The following SYT16 variants were observed in gnomAD, a reference collection of about 807,000 sequenced individuals.
The protein encoded by SYT16 is synaptotagmin-16.
Under a neutral mutation model 61.4 loss-of-function variants are expected in SYT16, and 42 were observed. The ratio of observed to expected loss-of-function variants is 0.68; its 90% CI spans 0.53 to 0.89. The LOEUF is 0.89. Among genes scored for constraint, SYT16 ranks in the 40% least tolerant of loss-of-function variants. SYT16 has a pLI of 0.00. For missense variants in SYT16, 804 were observed against 807.3 expected (o/e 1.00, Z 0.05); for synonymous variants, 314 against 302.3 (o/e 1.04, Z -0.40).
At position 61,819,036 on chromosome 14, in the gene SYT16, A is replaced by G. The variant is rs184738400; in HGVS notation, c.-325+6226A>G. ...TTCATACTGTTTGAATAGAATTCCT[A>G]TGTTTTCATTTCACCATGGCATCTT... On this transcript the variant is annotated intron_variant, in intron 1 of 7. Coordinates refer to ENST00000683842, the MANE Select transcript of SYT16 (RefSeq NM_001367656.1). 1.1e-4 allele frequency among the ~76,000 whole-genome samples: 16 copies of G among 152,328 alleles called. No homozygotes were observed. The South Asian group carries it at 1.7e-3, about 16-fold the overall frequency.
intron 1 of SYT16, among the ~76,000 whole-genome samples, chr14:61,819,357 A>G (rs1294531668): frequency 6.6e-6 from 1 of 152,202 alleles, no homozygotes; most frequent in African/African-American, 2.4e-5. Flanking sequence ...TTTCTAGTAG[A>G]TTGGAGAGGT....
intron 1 of SYT16, among the ~76,000 whole-genome samples, chr14:61,918,133 TA>T (rs970688708): frequency 1.3e-5 from 2 of 152,182 alleles, no homozygotes; most frequent in Non-Finnish European, 2.9e-5. Context: ...TTAGTTTTAG[TA>T]ACCAAAGCTT....
chr14:62,011,449 G>C (rs967818234), intron 3 of SYT16, among the ~76,000 whole-genome samples: 1 of 152,054 alleles, frequency 6.6e-6, no homozygotes, highest in African/African-American at 2.4e-5. Context: ...GCACTAATTG[G>C]CTTGATTCAC....
chr14:62,110,178 A>G lies in SYT16; in HGVS notation c.*9471A>G, dbSNP rs1195247557. The G allele has an allele frequency of 6.6e-6, 1 of 152,176 alleles. No homozygotes were observed. Among genetic ancestry groups the G allele is most frequent in the East Asian group, 1.9e-4 (1 of 5,200 alleles). The allele number at this position is 152,176 out of a possible 1,614,324, so 9.4% of individuals were successfully genotyped here. On this transcript the variant is annotated 3_prime_UTR_variant, in exon 8 of 8. Coordinates refer to ENST00000683842, the MANE Select transcript of SYT16 (RefSeq NM_001367656.1). ...ATAGTTGTATAAAGAATATTGGATT[A>G]AAGTTGATGAGGCCTGTGTTCTGAT...
chr14:62,029,439 G>T (rs74054933), intron 3 of SYT16, among the ~76,000 whole-genome samples: 1 of 152,142 alleles, frequency 6.6e-6, no homozygotes, highest in African/African-American at 2.4e-5. Context: ...CTGCTTGAGC[G>T]AATAGCGGTG....
rs148160190 is a variant in SYT16 at position 61,946,688 on chromosome 14, C to G, written c.-324-23444C>G. On this transcript the variant is annotated intron_variant, in intron 1 of 7. Coordinates refer to ENST00000683842, the MANE Select transcript of SYT16 (RefSeq NM_001367656.1). Reference sequence around the variant, plus strand: ...AGAGAAATGGGCACTGAATAATACTCTTTCAGAGGCTTTCTGTTCTCTTTT... The same window carrying G: ...AGAGAAATGGGCACTGAATAATACTGTTTCAGAGGCTTTCTGTTCTCTTTT... Among the ~76,000 whole-genome samples, 381 of 152,256 alleles carry G rather than the reference C, an allele frequency of 2.5e-3. 2 individuals are homozygous for G. The highest frequency in any genetic ancestry group is 4.5e-3 in the Non-Finnish European group (307 of 68,030).
chr14:61,816,829 G>A (rs922755133), intron 1 of SYT16, among the ~76,000 whole-genome samples: 7 of 151,494 alleles, frequency 4.6e-5, no homozygotes, highest in Non-Finnish European at 1.0e-4. Flanking sequence ...GGCTAACATG[G>A]TGAAACCCCG....
intron 1 of SYT16, among the ~76,000 whole-genome samples, chr14:61,891,672 A>G (rs2048135946): frequency 6.6e-6 from 1 of 152,228 alleles, no homozygotes. Flanking sequence ...AGAGAACAAG[A>G]TAAAAGGAGT....
intron 1 of SYT16, among the ~76,000 whole-genome samples, chr14:61,862,794 C>A (rs896584965): frequency 2.0e-5 from 3 of 152,182 alleles, no homozygotes; most frequent in Admixed American, 2.0e-4. Context: ...CTTTCTAACC[C>A]CTGGCAATTA....
chr14:62,046,975 T>C (rs2055019934), intron 3 of SYT16, among the ~76,000 whole-genome samples: 1 of 152,228 alleles, frequency 6.6e-6, no homozygotes, highest in African/African-American at 2.4e-5. Flanking sequence ...AAATAGTTTT[T>C]TCCAATTCTG....
At chr14:61,814,352 T>C (rs2045361402) in intron 1 of SYT16, among the ~76,000 whole-genome samples, 1 of 152,128 alleles carries the variant, frequency 6.6e-6, no homozygotes, top group Non-Finnish European at 1.5e-5. Flanking sequence ...AAGGAGATCA[T>C]GAGATTTGGC....
At chr14:61,945,987 C>T (rs2050419190) in intron 1 of SYT16, among the ~76,000 whole-genome samples, 1 of 151,768 alleles carries the variant, frequency 6.6e-6, no homozygotes, top group Non-Finnish European at 1.5e-5. Flanking sequence ...CATGTTCTCA[C>T]CCATAAGTGG....
In SYT16 at chr14:62,069,690, G is replaced by A. The variant is rs201464926; in HGVS notation, c.611G>A (p.Arg204Gln). Residue 204 changes from arginine to glutamine, a missense_variant, in exon 4 of 8, where the codon CGG (arginine) becomes CAG (glutamine). By Grantham distance (43) the Arg-to-Gln change is conservative. Coordinates refer to ENST00000683842, the MANE Select transcript of SYT16 (RefSeq NM_001367656.1). ...VIKQFEISVS[R>Q]SQSFRSVTSE... ...AAACAATTTGAGATTTCCGTGTCCC[G>A]GTCCCAGAGTTTCCGTTCAGTGACA... 219 of 1,613,786 alleles carry A rather than the reference G, an allele frequency of 1.4e-4. No homozygotes were observed. The highest frequency in any genetic ancestry group is 2.9e-4 in the East Asian group (13 of 44,878).
intron 3 of SYT16, among the ~76,000 whole-genome samples, chr14:62,007,194 C>A (rs2053259131): frequency 6.6e-6 from 1 of 152,146 alleles, no homozygotes; most frequent in South Asian, 2.1e-4. Flanking sequence ...GAGGCCTTAT[C>A]TTTTCTACAG....
chr14:61,962,215 G>A (rs2051143173), intron 1 of SYT16, among the ~76,000 whole-genome samples: 1 of 151,948 alleles, frequency 6.6e-6, no homozygotes, highest in Admixed American at 6.6e-5. Context: ...CAACCCCTGT[G>A]ACATGCCAAT....
chr14:61,905,283 T>C (rs1235991565), intron 1 of SYT16, among the ~76,000 whole-genome samples: 1 of 152,228 alleles, frequency 6.6e-6, no homozygotes, highest in Non-Finnish European at 1.5e-5. Flanking sequence ...ATTAAAACCT[T>C]TGTGTGAATG....
At chr14:61,837,200 T>A (rs1464041524) in intron 1 of SYT16, among the ~76,000 whole-genome samples, 1 of 151,964 alleles carries the variant, frequency 6.6e-6, no homozygotes, top group African/African-American at 2.4e-5. Flanking sequence ...TCCTAACAGA[T>A]TTCCATGATT....
chr14:61,852,821 C>A (rs774998699), intron 1 of SYT16, among the ~76,000 whole-genome samples: 10 of 152,128 alleles, frequency 6.6e-5, no homozygotes, highest in Non-Finnish European at 1.5e-4. Context: ...ATATCTTTTT[C>A]ATTTGAAAGA....
intron 1 of SYT16, among the ~76,000 whole-genome samples, chr14:61,936,900 G>C (rs553038094): frequency 6.6e-6 from 1 of 152,274 alleles, no homozygotes; most frequent in South Asian, 2.1e-4. Context: ...ATTTATACCT[G>C]ATGTCACAAG....
Sources: allele counts gnomAD v4.1 joint callset (sites outside exome capture counted in the v4.1 genomes callset), GRCh38; gene constraint gnomAD v4.1.1; transcripts MANE v1.5; gene names NCBI Gene and HGNC (gene_info 2026-07-23, HGNC 2026-07-21).